Variants in RABEP1 observed in about 807,000 individuals in gnomAD.
RABEP1 encodes the protein rab GTPase-binding effector protein 1.
Under a neutral mutation model 123.4 loss-of-function variants are expected in RABEP1, and 51 were observed. That is an observed-to-expected ratio of 0.41 (90% CI 0.33 to 0.52). The LOEUF (loss-of-function observed/expected upper bound fraction) is 0.52, where lower values mean the gene tolerates loss of function less well. Among genes scored for constraint, RABEP1 ranks in the 20% least tolerant of loss-of-function variants. The pLI, the probability that RABEP1 is intolerant of heterozygous loss-of-function variation, is 0.16. For synonymous variants in RABEP1, 347 were observed against 355.2 expected (o/e 0.98, Z 0.26); for missense variants, 888 against 996.3 (o/e 0.89, Z 1.46).
At chr17:5,304,608 TG>T (rs1181391320) in intron 1 of RABEP1, among the ~76,000 whole-genome samples, 1 of 150,888 alleles carries the variant, frequency 6.6e-6, no homozygotes, top group Non-Finnish European at 1.5e-5. Context: ...AAGTAGGCAA[TG>T]GATTAGATAA....
At chr17:5,292,401 T>G (rs1399079339) in intron 1 of RABEP1, among the ~76,000 whole-genome samples, 1 of 152,186 alleles carries the variant, frequency 6.6e-6, no homozygotes, top group Non-Finnish European at 1.5e-5. Flanking sequence ...TATTTACTTT[T>G]TTTTTGAGAT....
chr17:5,346,569 A>G (rs1476998275), intron 5 of RABEP1, among the ~76,000 whole-genome samples: 1 of 152,192 alleles, frequency 6.6e-6, no homozygotes, highest in Middle Eastern at 3.2e-3. Context: ...TCTCAATTGT[A>G]TATTTTATTC....
Position 5,350,565 on chromosome 17 carries a change from G to A in RABEP1, c.899G>A (p.Arg300Gln), listed in dbSNP as rs370208524. 8 of 1,613,998 alleles carry A rather than the reference G, an allele frequency of 5.0e-6. No individual in the cohort carries two copies. The highest frequency in any genetic ancestry group is 1.3e-5 in the African/African-American group (1 of 74,916). The stretch of plus-strand genomic sequence containing the variant: ...CGTTTACTGATGAGAGACATGCAGC[G>A]AATGGAGATTGTGCTAACTTCAGAA... ...SQRLLMRDMQ[R>Q]MEIVLTSEQL... Residue 300 changes from arginine to glutamine, a missense_variant, in exon 7 of 18, where the codon CGA becomes CAA. Physicochemically the swap from Arg to Gln is conservative, Grantham distance 43. Coordinates refer to ENST00000537505, the MANE Select transcript of RABEP1 (RefSeq NM_004703.6).
At position 5,384,438 on chromosome 17, in the gene RABEP1, A is replaced by C. The variant is rs562720640; in HGVS notation, c.*1215A>C. The C allele has an allele frequency of 1.9e-5, 4 of 215,638 alleles. No individual in the cohort carries two copies. Among genetic ancestry groups the C allele is most frequent in the African/African-American group, 9.0e-5 (4 of 44,550 alleles). 13.4% of individuals were successfully genotyped at this position (215,638 alleles called of 1,614,324 possible). A position where few individuals can be genotyped will look rare whatever the true frequency, so the allele number is the denominator to read the frequency against. ...GGATTCATCATCCAGGAGGTTCAAA[A>C]GTAAGATGGTTTTCAAATCATTTTT... On this transcript the variant is annotated 3_prime_UTR_variant, in exon 18 of 18. Coordinates refer to ENST00000537505, the MANE Select transcript of RABEP1 (RefSeq NM_004703.6).
chr17:5,317,626 GATAT>G (rs56165368), intron 2 of RABEP1, among the ~76,000 whole-genome samples: 4,695 of 149,546 alleles, frequency 0.031, 89 homozygotes, highest in Middle Eastern at 0.059. Context: ...TACTGGAAAG[GATAT>G]ATATATATAT....
intron 13 of RABEP1, among the ~76,000 whole-genome samples, chr17:5,374,027 A>C (rs1264159014): frequency 1.3e-5 from 2 of 152,094 alleles, no homozygotes; most frequent in African/African-American, 4.8e-5. Context: ...CTAGTACTTG[A>C]AAAGTTATAA....
rs150848956 is a variant in RABEP1 at position 5,288,693 on chromosome 17, C to A, written c.34+6173C>A. On this transcript the variant is annotated intron_variant, in intron 1 of 17. Coordinates refer to ENST00000537505, the MANE Select transcript of RABEP1 (RefSeq NM_004703.6). ...TACAGGCGTGAGCCACTGCGCCTGG[C>A]CTATTTTATTTCTTTTCTTTATTTT... 2.0e-5 allele frequency among the ~76,000 whole-genome samples: 3 copies of A among 147,070 alleles called. No individual in the cohort carries two copies. The East Asian group carries it at 6.3e-4, about 31-fold the overall frequency.
At chr17:5,352,337 C>A (rs934559564) in intron 7 of RABEP1, among the ~76,000 whole-genome samples, 1 of 151,738 alleles carries the variant, frequency 6.6e-6, no homozygotes, top group South Asian at 2.1e-4. Flanking sequence ...GGACTACAGG[C>A]GTGTGCCACC....
intron 2 of RABEP1, among the ~76,000 whole-genome samples, chr17:5,325,334 C>A (rs1200156805): frequency 6.6e-6 from 1 of 151,348 alleles, no homozygotes; most frequent in African/African-American, 2.4e-5. Flanking sequence ...GAGCAAAACT[C>A]CGTCCAAAAA....
chr17:5,323,857 GGAATATA>G (rs1905696144), intron 2 of RABEP1, among the ~76,000 whole-genome samples: 1 of 111,274 alleles, frequency 9.0e-6, no homozygotes, highest in East Asian at 2.3e-4. Flanking sequence ...TATATATCTA[GGAATATA>G]TATATATATC....
intron 1 of RABEP1, among the ~76,000 whole-genome samples, chr17:5,303,964 GC>G (rs991189794): frequency 2.0e-4 from 31 of 151,584 alleles, no homozygotes; most frequent in African/African-American, 6.3e-4. Flanking sequence ...ACCCCAGGAG[GC>G]AGAGGTTGCT....
chr17:5,367,513 T>C lies in RABEP1; in HGVS notation c.1786-857T>C, dbSNP rs143748127. On this transcript the variant is annotated intron_variant, in intron 11 of 17. Transcript: ENST00000537505. ...CTCGAACTCCTGACTTTGTGATCCA[T>C]CCGCCTCGGCCTCCCAAAGTGCTAG... Among the ~76,000 whole-genome samples the C allele has an allele frequency of 1.0e-3, 156 of 151,766 alleles. 3 individuals carry two copies. The East Asian group carries it at 0.025, about 24-fold the overall frequency.
rs1047012671 is a variant in RABEP1 at position 5,384,895 on chromosome 17, A to G, written c.*1672A>G. 1 of 222,772 alleles carries G rather than the reference A, an allele frequency of 4.5e-6. No homozygotes were observed. Among genetic ancestry groups the G allele is most frequent in the Admixed American group, 5.7e-5 (1 of 17,432 alleles). The allele number at this position is 222,772 out of a possible 1,614,324, so 13.8% of individuals were successfully genotyped here. A position where few individuals can be genotyped will look rare whatever the true frequency, so the allele number is the denominator to read the frequency against. On this transcript the variant is annotated 3_prime_UTR_variant, in exon 18 of 18. Coordinates refer to ENST00000537505, the MANE Select transcript of RABEP1 (RefSeq NM_004703.6). ...TCAATTTAAATTACGTAGGTTTAAG[A>G]CTAGTCCCTTGGATAAGCCCCAAGC...
At chr17:5,295,110 G>T (rs2075070115) in intron 1 of RABEP1, among the ~76,000 whole-genome samples, 1 of 151,798 alleles carries the variant, frequency 6.6e-6, no homozygotes. Context: ...GGACAGATGC[G>T]GTGGCTTACA....
At chr17:5,282,610 G>A in intron 1 of RABEP1, 90 bp downstream of exon 1, 1 of 950,278 alleles carries the variant, frequency 1.1e-6, no homozygotes. Context: ...GCGGCGGCAA[G>A]GGCGCGCGCA....
Position 5,383,376 on chromosome 17 carries a change from G to A in RABEP1, c.*153G>A, listed in dbSNP as rs1404410347. 11 of 656,166 alleles carry A rather than the reference G, an allele frequency of 1.7e-5. No individual in the cohort carries two copies. Among genetic ancestry groups the A allele is most frequent in the Admixed American group, 1.6e-4 (6 of 37,192 alleles). 40.6% of individuals were successfully genotyped at this position (656,166 alleles called of 1,614,324 possible). Reference sequence around the variant, plus strand: ...TACTTCTAGAGGGAGAAGACTGTGCGGCACAGGAAACAGCAAACAGTGGGG... The same window carrying A: ...TACTTCTAGAGGGAGAAGACTGTGCAGCACAGGAAACAGCAAACAGTGGGG... On this transcript the variant is annotated 3_prime_UTR_variant, in exon 18 of 18. Transcript: ENST00000537505.
chr17:5,291,194 C>T (rs759947037), intron 1 of RABEP1, among the ~76,000 whole-genome samples: 16 of 152,030 alleles, frequency 1.1e-4, no homozygotes, highest in Admixed American at 4.6e-4. Context: ...GTGGACCACG[C>T]GGTCAGGACT....
At chr17:5,295,567 C>T (rs947936050) in intron 1 of RABEP1, among the ~76,000 whole-genome samples, 16 of 152,002 alleles carry the variant, frequency 1.1e-4, no homozygotes, top group African/African-American at 3.6e-4. Flanking sequence ...AAATACTTCC[C>T]TCTGCTAAAT....
intron 1 of RABEP1, among the ~76,000 whole-genome samples, chr17:5,294,637 T>TTTTTTTTG (rs2075064438): frequency 6.7e-5 from 1 of 14,972 alleles, no homozygotes; most frequent in Non-Finnish European, 1.0e-4. Context: ...TATTGTCTTT[T>TTTTTTTTG]TTTTTTTTTT....
Sources: allele counts gnomAD v4.1 joint callset (sites outside exome capture counted in the v4.1 genomes callset), GRCh38; gene constraint gnomAD v4.1.1; transcripts MANE v1.5; gene names NCBI Gene and HGNC (gene_info 2026-07-23, HGNC 2026-07-21).